The following TAS2R1 variants were observed in gnomAD, a reference collection of about 807,000 sequenced individuals.
The protein encoded by TAS2R1 is taste receptor type 2 member 1.
For missense variants in TAS2R1, 370 were observed against 353.4 expected (o/e 1.05, Z -0.38); for synonymous variants, 141 against 134.2 (o/e 1.05, Z -0.35).
chr5:9,736,512 C>G, the TAS2R1 span, among the ~76,000 whole-genome samples: 1 of 152,182 alleles, frequency 6.6e-6, no homozygotes, highest in Non-Finnish European at 1.5e-5. Flanking sequence ...GTTTCATGTT[C>G]TACACTTTCT....
the TAS2R1 span, among the ~76,000 whole-genome samples, chr5:9,831,155 G>A: frequency 6.6e-6 from 1 of 152,144 alleles, no homozygotes; most frequent in African/African-American, 2.4e-5. Context: ...GCTGGTGACA[G>A]GGGAAACAGA....
the TAS2R1 span, among the ~76,000 whole-genome samples, chr5:9,775,349 G>A: frequency 6.6e-6 from 1 of 152,154 alleles, no homozygotes; most frequent in African/African-American, 2.4e-5. Flanking sequence ...GCTGGCCCAG[G>A]GCAGTCCAGA....
At chr5:9,769,545 T>A in the TAS2R1 span, among the ~76,000 whole-genome samples, 2 of 152,226 alleles carry the variant, frequency 1.3e-5, no homozygotes, top group African/African-American at 4.8e-5. Flanking sequence ...GTATGAGGGT[T>A]CCTTTTCTCC....
the TAS2R1 span, among the ~76,000 whole-genome samples, chr5:9,823,697 A>C: frequency 8.3e-6 from 1 of 120,312 alleles, no homozygotes; most frequent in Non-Finnish European, 1.7e-5. Context: ...GAAGGGAGGA[A>C]GGAAGGGAGG....
the TAS2R1 span, among the ~76,000 whole-genome samples, chr5:9,791,506 C>T: frequency 6.6e-6 from 1 of 152,164 alleles, no homozygotes; most frequent in African/African-American, 2.4e-5. Flanking sequence ...CGAGACCAAC[C>T]TGGGCAACAC....
intron 1 of TAS2R1, among the ~76,000 whole-genome samples, chr5:9,676,026 C>A (rs575500207): frequency 1.2e-4 from 18 of 151,998 alleles, no homozygotes; most frequent in Non-Finnish European, 2.2e-4. Context: ...AGATAAATTC[C>A]TTTTATTCCT....
At chr5:9,673,387 G>A (rs890561933) in intron 1 of TAS2R1, among the ~76,000 whole-genome samples, 7 of 152,116 alleles carry the variant, frequency 4.6e-5, no homozygotes, top group African/African-American at 1.7e-4. Flanking sequence ...CCAGTGGAAG[G>A]AGATACAACA....
chr5:9,694,398 C>T (rs866124593), intron 1 of TAS2R1, among the ~76,000 whole-genome samples: 1 of 151,974 alleles, frequency 6.6e-6, no homozygotes, highest in African/African-American at 2.4e-5. Context: ...CAAATCAGAG[C>T]CCTGAAAAAC....
chr5:9,837,671 C>T, the TAS2R1 span, among the ~76,000 whole-genome samples: 3 of 152,214 alleles, frequency 2.0e-5, no homozygotes, highest in South Asian at 2.1e-4. Flanking sequence ...TGCACACACA[C>T]GTCTCCACTG....
At chr5:9,735,996 A>G in the TAS2R1 span, among the ~76,000 whole-genome samples, 1 of 152,206 alleles carries the variant, frequency 6.6e-6, no homozygotes, top group African/African-American at 2.4e-5. Flanking sequence ...ATCAGTGGGC[A>G]TGCAGCTTCC....
At chr5:9,740,320 A>C in the TAS2R1 span, among the ~76,000 whole-genome samples, 1 of 152,182 alleles carries the variant, frequency 6.6e-6, no homozygotes, top group African/African-American at 2.4e-5. Flanking sequence ...AGATTACACA[A>C]CCTGCCCCCA....
chr5:9,742,526 G>C, the TAS2R1 span, among the ~76,000 whole-genome samples: 6,755 of 152,164 alleles, frequency 0.044, 152 homozygotes, highest in Non-Finnish European at 0.052. Context: ...CATTTCAAAA[G>C]GACAAAATAT....
chr5:9,796,961 T>G, the TAS2R1 span, among the ~76,000 whole-genome samples: 1 of 152,178 alleles, frequency 6.6e-6, no homozygotes, highest in South Asian at 2.1e-4. Context: ...CGGCAGACAT[T>G]GTTGCTACAG....
At chr5:9,665,638 C>A (rs962584294) in intron 1 of TAS2R1, among the ~76,000 whole-genome samples, 4 of 152,352 alleles carry the variant, frequency 2.6e-5, no homozygotes, top group Middle Eastern at 6.8e-3. Context: ...CTCTGGGCAG[C>A]CCTGCCTGAA....
chr5:9,794,427 T>C, the TAS2R1 span, among the ~76,000 whole-genome samples: 1 of 152,186 alleles, frequency 6.6e-6, no homozygotes, highest in South Asian at 2.1e-4. Flanking sequence ...GGAATTTAAC[T>C]ACTTCAGTTT....
At chr5:9,701,419 CT>C (rs2126525497) in intron 1 of TAS2R1, among the ~76,000 whole-genome samples, 1 of 152,184 alleles carries the variant, frequency 6.6e-6, no homozygotes, top group East Asian at 1.9e-4. Context: ...AGCAAACTGC[CT>C]TTCTGACAAG....
the TAS2R1 span, among the ~76,000 whole-genome samples, chr5:9,748,936 T>C: frequency 6.6e-6 from 1 of 152,058 alleles, no homozygotes; most frequent in African/African-American, 2.4e-5. Context: ...AAAATACCCC[T>C]CCATACCCAG....
At chr5:9,780,111 T>C in the TAS2R1 span, among the ~76,000 whole-genome samples, 3 of 152,190 alleles carry the variant, frequency 2.0e-5, no homozygotes, top group African/African-American at 4.8e-5. Context: ...TACAAGATCA[T>C]TTCCTTTGAC....
chr5:9,633,112 CA>C (rs757949343), upstream of TAS2R1, among the ~76,000 whole-genome samples: 5 of 151,432 alleles, frequency 3.3e-5, no homozygotes, highest in Non-Finnish European at 7.4e-5. Context: ...GGCATGAAAA[CA>C]GCATAGATTT....
Sources: gnomAD v4.1 joint callset for allele counts (sites outside exome capture counted in the v4.1 genomes callset) on GRCh38, gnomAD v4.1.1 for gene constraint, MANE v1.5 for transcripts, NCBI Gene and HGNC (gene_info 2026-07-23, HGNC 2026-07-21) for gene names.